PIGL: variants seen among roughly 807,000 people sequenced by gnomAD.
PIGL encodes N-acetylglucosaminyl-phosphatidylinositol de-N-acetylase.
Under a neutral mutation model 31.1 loss-of-function variants are expected in PIGL, and 22 were observed. The ratio of observed to expected loss-of-function variants is 0.71; its 90% CI spans 0.51 to 1.01. The LOEUF is 1.01. Ranked by LOEUF, PIGL falls within the 50% of genes least tolerant of loss-of-function variation. PIGL has a pLI of 0.00. For missense variants in PIGL, 302 were observed against 315.9 expected (o/e 0.96, Z 0.33); for synonymous variants, 131 against 117.4 (o/e 1.12, Z -0.75).
chr17:16,280,327 CT>C (rs762266460), intron 2 of PIGL, among the ~76,000 whole-genome samples: 7 of 152,176 alleles, frequency 4.6e-5, no homozygotes, highest in Non-Finnish European at 7.3e-5. Context: ...CCTTGATTGC[CT>C]GGAGAATGCC....
At chr17:16,293,950 T>C (rs2092971025) in intron 2 of PIGL, among the ~76,000 whole-genome samples, 1 of 152,170 alleles carries the variant, frequency 6.6e-6, no homozygotes, top group African/African-American at 2.4e-5. Context: ...AATTTGGCCT[T>C]GTCCAATGAG....
intron 1 of PIGL, among the ~76,000 whole-genome samples, chr17:16,219,008 T>G (rs2142623845): frequency 1.3e-5 from 2 of 151,730 alleles, no homozygotes; most frequent in East Asian, 3.9e-4. Flanking sequence ...CTGGCACTAA[T>G]GAGAGTATCT....
At chr17:16,252,066 C>CTTTTTTTTTTTTTTTTTTTT (rs66540057) in intron 2 of PIGL, among the ~76,000 whole-genome samples, 1 of 123,836 alleles carries the variant, frequency 8.1e-6, no homozygotes, top group Non-Finnish European at 1.6e-5. Flanking sequence ...TTTTTTTTTC[C>CTTTTTTTTTTTTTTTTTTTT]TTTTTTTTTT....
intron 3 of PIGL, among the ~76,000 whole-genome samples, chr17:16,307,272 T>A (rs796454186): frequency 5.9e-5 from 9 of 152,288 alleles, no homozygotes; most frequent in African/African-American, 2.2e-4. Flanking sequence ...GGACCTTGTG[T>A]TTTGTGGTTG....
At chr17:16,274,218 G>A (rs967406087) in intron 2 of PIGL, among the ~76,000 whole-genome samples, 4 of 152,178 alleles carry the variant, frequency 2.6e-5, no homozygotes, top group Non-Finnish European at 4.4e-5. Flanking sequence ...GACAAGGCCA[G>A]ATGTAGGAGA....
At chr17:16,228,877 C>T (rs1600745871) in intron 1 of PIGL, among the ~76,000 whole-genome samples, 1 of 152,270 alleles carries the variant, frequency 6.6e-6, no homozygotes, top group East Asian at 1.9e-4. Flanking sequence ...TTCTAGGTAA[C>T]TCGAATAAGT....
chr17:16,254,645 C>T (rs1210719819), intron 2 of PIGL, among the ~76,000 whole-genome samples: 1 of 151,802 alleles, frequency 6.6e-6, no homozygotes, highest in African/African-American at 2.4e-5. Flanking sequence ...TGCTCTGTCA[C>T]CCAGGCTGGA....
intron 2 of PIGL, among the ~76,000 whole-genome samples, chr17:16,258,174 C>CT (rs145157349): frequency 0.37 from 41,563 of 113,364 alleles, 10,272 homozygotes; most frequent in Middle Eastern, 0.49. Flanking sequence ...CGGAAGTAGA[C>CT]TTTTTTTTTC....
At chr17:16,258,143 G>GAGAGAGAGAGAA (rs2092804477) in intron 2 of PIGL, among the ~76,000 whole-genome samples, 4 of 60,826 alleles carry the variant, frequency 6.6e-5, no homozygotes, top group African/African-American at 1.6e-4. Context: ...GAGAGAAAGA[G>GAGAGAGAGAGAA]AGAGAGAGAG....
At chr17:16,300,778 A>G (rs2142837064) in intron 3 of PIGL, among the ~76,000 whole-genome samples, 1 of 152,312 alleles carries the variant, frequency 6.6e-6, no homozygotes, top group African/African-American at 2.4e-5. Context: ...GTGGTGGTGA[A>G]GCCAGGATTT....
chr17:16,325,351 AAAAAAG>A lies in PIGL; in HGVS notation c.661-446_661-441del, dbSNP rs1432439277. Among the ~76,000 whole-genome samples the A allele has an allele frequency of 1.2e-3, 170 of 147,470 alleles. 1 individual carries two copies. The highest frequency in any genetic ancestry group is 4.5e-3 in the African/African-American group (167 of 37,432). On this transcript the variant is annotated intron_variant, in intron 6 of 6. Coordinates refer to ENST00000225609, the MANE Select transcript of PIGL (RefSeq NM_004278.4). ...CAGGCTCAAAAAAAAAAAAAAAAAA[AAAAAAG>A]AATGTGGACTCTAGAATCAATCAGT...
intron 2 of PIGL, among the ~76,000 whole-genome samples, chr17:16,288,234 C>G (rs1466948127): frequency 6.6e-6 from 1 of 152,130 alleles, no homozygotes; most frequent in Non-Finnish European, 1.5e-5. Flanking sequence ...GAGACGAAGT[C>G]TCACTCTTGT....
chr17:16,268,919 C>T (rs537046416), intron 2 of PIGL, among the ~76,000 whole-genome samples: 8 of 151,588 alleles, frequency 5.3e-5, no homozygotes, highest in South Asian at 2.1e-4. Flanking sequence ...CGTGCCACCA[C>T]GCCTGGCTAT....
intron 2 of PIGL, 59 bp downstream of exon 2, chr17:16,234,129 C>A (rs1038911168): frequency 2.1e-6 from 2 of 947,544 alleles, no homozygotes; most frequent in South Asian, 2.7e-5. Context: ...GTGATATACT[C>A]AAAAGACACA....
At chr17:16,238,458 C>T (rs1313805075) in intron 2 of PIGL, among the ~76,000 whole-genome samples, 3 of 121,456 alleles carry the variant, frequency 2.5e-5, no homozygotes, top group Admixed American at 9.0e-5. Flanking sequence ...TTTTTTGAGA[C>T]GGGGTCTTGC....
chr17:16,273,896 T>C (rs997777480), intron 2 of PIGL, among the ~76,000 whole-genome samples: 2 of 152,170 alleles, frequency 1.3e-5, no homozygotes, highest in Non-Finnish European at 2.9e-5. Flanking sequence ...ATTGGAAACT[T>C]TTTAGGGCAG....
intron 2 of PIGL, among the ~76,000 whole-genome samples, chr17:16,251,906 T>C (rs2092773460): frequency 6.6e-6 from 1 of 152,014 alleles, no homozygotes; most frequent in African/African-American, 2.4e-5. Flanking sequence ...TCCAGAATAC[T>C]TGGGAACGGT....
chr17:16,245,731 C>T (rs1486037008), intron 2 of PIGL, among the ~76,000 whole-genome samples: 2 of 150,656 alleles, frequency 1.3e-5, no homozygotes, highest in African/African-American at 4.9e-5. Context: ...TATATATATA[C>T]ACACACACAT....
chr17:16,301,040 C>G (rs1278777826), intron 3 of PIGL, among the ~76,000 whole-genome samples: 1 of 152,116 alleles, frequency 6.6e-6, no homozygotes, highest in African/African-American at 2.4e-5. Context: ...GAGGTAATAT[C>G]TAAAATTCCA....
Sources: gnomAD v4.1 joint callset for allele counts (sites outside exome capture counted in the v4.1 genomes callset) on GRCh38, gnomAD v4.1.1 for gene constraint, MANE v1.5 for transcripts, NCBI Gene and HGNC (gene_info 2026-07-23, HGNC 2026-07-21) for gene names.